Variants in LHFPL6 observed in about 807,000 individuals in gnomAD.
LHFPL6 encodes LHFPL tetraspan subfamily member 6.
Under a neutral mutation model 20.6 loss-of-function variants are expected in LHFPL6, and 9 were observed. The ratio of observed to expected loss-of-function variants is 0.44; its 90% CI spans 0.26 to 0.76. LHFPL6 has a LOEUF of 0.76. LHFPL6 is among the 30% of genes least tolerant of loss of function. The probability of loss-of-function intolerance (pLI) is 0.20; values close to 1 mark genes in which losing one functional copy is unlikely to be tolerated. For synonymous variants in LHFPL6, 105 were observed against 98.7 expected, an observed-to-expected ratio of 1.06 and a Z score of -0.38; for missense variants, 218 against 253.5, an observed-to-expected ratio of 0.86 and a Z score of 0.95.
intron 2 of LHFPL6, among the ~76,000 whole-genome samples, chr13:39,479,995 A>G (rs1184708344): frequency 1.3e-5 from 2 of 152,192 alleles, no homozygotes; most frequent in Non-Finnish European, 2.9e-5. Flanking sequence ...TCCACATTAT[A>G]AAATTGGCAT....
chr13:39,505,789 C>T (rs937507742), intron 2 of LHFPL6, among the ~76,000 whole-genome samples: 2 of 152,150 alleles, frequency 1.3e-5, no homozygotes, highest in African/African-American at 4.8e-5. Context: ...TAGGTCTGTA[C>T]CCACTACAGA....
chr13:39,372,091 T>C (rs1193526373), intron 3 of LHFPL6, among the ~76,000 whole-genome samples: 1 of 152,190 alleles, frequency 6.6e-6, no homozygotes, highest in East Asian at 1.9e-4. Flanking sequence ...CAGTCAAGTC[T>C]GTAGCTGACC....
At chr13:39,486,751 C>G (rs1010637345) in intron 2 of LHFPL6, among the ~76,000 whole-genome samples, 1 of 152,178 alleles carries the variant, frequency 6.6e-6, no homozygotes, top group Non-Finnish European at 1.5e-5. Flanking sequence ...AAAATGCTAA[C>G]CTATCAGGAT....
Position 39,510,190 on chromosome 13 carries a change from C to T in LHFPL6, c.385+90642G>A, listed in dbSNP as rs556688297. Among the ~76,000 whole-genome samples, 12 of 152,166 alleles carry T rather than the reference C, an allele frequency of 7.9e-5. No individual in the cohort carries two copies. In the East Asian group the frequency reaches 9.7e-4, roughly 12 times the overall value. ...AGTCCTATACAATCAAAGCACTTCA[C>T]GTGAGAGTAAAAACTAATTAAACAT... On this transcript the variant is annotated intron_variant, in intron 2 of 3. Coordinates refer to ENST00000379589, the MANE Select transcript of LHFPL6 (RefSeq NM_005780.3).
At chr13:39,479,866 A>G (rs899341763) in intron 2 of LHFPL6, among the ~76,000 whole-genome samples, 17 of 152,340 alleles carry the variant, frequency 1.1e-4, no homozygotes, top group South Asian at 4.1e-4. Flanking sequence ...AACAACTGAC[A>G]TGACCATATT....
At chr13:39,569,481 G>GA (rs1871844686) in intron 2 of LHFPL6, among the ~76,000 whole-genome samples, 1 of 152,080 alleles carries the variant, frequency 6.6e-6, no homozygotes, top group Non-Finnish European at 1.5e-5. Flanking sequence ...TTGAGAACCT[G>GA]AAAAAATTGC....
chr13:39,423,277 T>G (rs1316307394), intron 2 of LHFPL6, among the ~76,000 whole-genome samples: 1 of 152,236 alleles, frequency 6.6e-6, no homozygotes. Context: ...ATGGCTTTAG[T>G]TAAATCTTGC....
intron 3 of LHFPL6, among the ~76,000 whole-genome samples, chr13:39,352,027 GC>G: frequency 6.6e-6 from 1 of 152,256 alleles, no homozygotes; most frequent in East Asian, 1.9e-4. Flanking sequence ...CTTTGACAAT[GC>G]CCATGTTCAA....
At chr13:39,407,754 C>A (rs1451831062) in intron 2 of LHFPL6, among the ~76,000 whole-genome samples, 1 of 152,126 alleles carries the variant, frequency 6.6e-6, no homozygotes, top group Non-Finnish European at 1.5e-5. Context: ...GAACATATAC[C>A]TTTGCACATA....
chr13:39,507,784 T>A (rs1211562755), intron 2 of LHFPL6, among the ~76,000 whole-genome samples: 1 of 152,086 alleles, frequency 6.6e-6, no homozygotes, highest in Admixed American at 6.6e-5. Context: ...AAAGAAAAAC[T>A]GAGTTCAGAG....
chr13:39,512,419 G>A (rs1869744075), intron 2 of LHFPL6, among the ~76,000 whole-genome samples: 3 of 152,044 alleles, frequency 2.0e-5, no homozygotes, highest in Admixed American at 6.5e-5. Flanking sequence ...TGGCTAACAC[G>A]GTGAAACCCC....
At chr13:39,468,758 G>T (rs1413826742) in intron 2 of LHFPL6, among the ~76,000 whole-genome samples, 1 of 152,002 alleles carries the variant, frequency 6.6e-6, no homozygotes, top group Non-Finnish European at 1.5e-5. Context: ...ACAATTCTCA[G>T]AAGAAGCCAA....
intron 2 of LHFPL6, among the ~76,000 whole-genome samples, chr13:39,591,858 G>T (rs1042246820): frequency 6.6e-6 from 1 of 152,190 alleles, no homozygotes; most frequent in Non-Finnish European, 1.5e-5. Flanking sequence ...CACTTTGGGA[G>T]ACTGAGGCGG....
chr13:39,431,323 A>C (rs891604215), intron 2 of LHFPL6, among the ~76,000 whole-genome samples: 1 of 152,176 alleles, frequency 6.6e-6, no homozygotes, highest in Non-Finnish European at 1.5e-5. Context: ...GACACATCTG[A>C]ACATCTGAAG....
At chr13:39,402,173 T>C (rs528868351) in intron 2 of LHFPL6, among the ~76,000 whole-genome samples, 212 of 152,364 alleles carry the variant, frequency 1.4e-3, no homozygotes, top group African/African-American at 4.7e-3. Flanking sequence ...CTTATTTCTA[T>C]AAAATGTAAG....
At chr13:39,403,539 G>A (rs1871042383) in intron 2 of LHFPL6, among the ~76,000 whole-genome samples, 1 of 152,146 alleles carries the variant, frequency 6.6e-6, no homozygotes. Context: ...TATAAAGGAG[G>A]CAAGACTAGG....
At chr13:39,427,767 C>T (rs1871683599) in intron 2 of LHFPL6, among the ~76,000 whole-genome samples, 1 of 152,118 alleles carries the variant, frequency 6.6e-6, no homozygotes, top group Admixed American at 6.5e-5. Flanking sequence ...ATGTCCCCAC[C>T]CAAATCTCGT....
At chr13:39,510,097 G>A (rs990754803) in intron 2 of LHFPL6, among the ~76,000 whole-genome samples, 1 of 152,228 alleles carries the variant, frequency 6.6e-6, no homozygotes, top group African/African-American at 2.4e-5. Context: ...TTGCCCATCT[G>A]CTGATGGTTA....
intron 2 of LHFPL6, among the ~76,000 whole-genome samples, chr13:39,527,524 G>A (rs947723976): frequency 2.0e-5 from 3 of 150,504 alleles, no homozygotes; most frequent in South Asian, 2.1e-4. Flanking sequence ...AAAAAAAAGC[G>A]TTTTCTACAA....
Sources: allele counts gnomAD v4.1 joint callset (sites outside exome capture counted in the v4.1 genomes callset), GRCh38; gene constraint gnomAD v4.1.1; transcripts MANE v1.5; gene names NCBI Gene and HGNC (gene_info 2026-07-23, HGNC 2026-07-21).